IQGAP1: variants seen among roughly 807,000 people sequenced by gnomAD.
IQGAP1 encodes the protein IQ motif containing GTPase activating protein 1, also known as ras GTPase-activating-like protein IQGAP1.
Under a neutral mutation model 215.6 loss-of-function variants are expected in IQGAP1, and 66 were observed. The ratio of observed to expected loss-of-function variants is 0.31; its 90% CI spans 0.25 to 0.38. The LOEUF is 0.38. Ranked by LOEUF, IQGAP1 falls within the 10% of genes least tolerant of loss-of-function variation. The pLI is 1.00. For synonymous variants in IQGAP1, 772 were observed against 728.7 expected (o/e 1.06, Z -0.96); for missense variants, 1,712 against 1,997.1 (o/e 0.86, Z 2.72).
intron 30 of IQGAP1, among the ~76,000 whole-genome samples, chr15:90,485,770 A>C (rs1966117822): frequency 6.6e-6 from 1 of 152,116 alleles, no homozygotes; most frequent in Non-Finnish European, 1.5e-5. Flanking sequence ...GCACATTTGA[A>C]TCCTTTATGG....
chr15:90,410,948 C>T (rs941098703), intron 2 of IQGAP1, among the ~76,000 whole-genome samples: 1 of 151,842 alleles, frequency 6.6e-6, no homozygotes, highest in African/African-American at 2.4e-5. Flanking sequence ...TTGCTATGTC[C>T]CATGGAAATT....
chr15:90,432,528 A>G (rs922359329), intron 4 of IQGAP1, among the ~76,000 whole-genome samples: 9 of 152,252 alleles, frequency 5.9e-5, no homozygotes, highest in South Asian at 2.1e-4. Flanking sequence ...TCTGACTTTC[A>G]AGTTGCTTAT....
Position 90,456,160 on chromosome 15 carries a change from G to A in IQGAP1, c.1621G>A (p.Ala541Thr), listed in dbSNP as rs768165333. Reference protein sequence around the residue: ...VVQEEHERILAIGLINEALDE... With the variant: ...VVQEEHERILTIGLINEALDE... Reference sequence around the variant, plus strand: ...TGTCTCTTTATATTTAGGGATTTTAGCCATTGGTTTAATTAATGAAGCCCT... The same window carrying A: ...TGTCTCTTTATATTTAGGGATTTTAACCATTGGTTTAATTAATGAAGCCCT... Residue 541 changes from alanine to threonine, a missense_variant, in exon 15 of 38, where the codon GCC becomes ACC. Physicochemically the swap from Ala to Thr is moderately conservative, Grantham distance 58. This residue lies in a region of IQGAP1 where 1,021 missense variants were observed against 1,074.2 expected (regional missense o/e 0.95). Coordinates refer to ENST00000268182, the MANE Select transcript of IQGAP1 (RefSeq NM_003870.4). The A allele has an allele frequency of 3.1e-6, 5 of 1,613,076 alleles. No homozygotes were observed. Among genetic ancestry groups the A allele is most frequent in the Non-Finnish European group, 4.2e-6 (5 of 1,179,610 alleles).
intron 36 of IQGAP1, among the ~76,000 whole-genome samples, chr15:90,495,383 GA>G (rs78637051): frequency 0.16 from 24,592 of 150,824 alleles, 2,718 homozygotes; most frequent in East Asian, 0.46. Flanking sequence ...TTTAGGGGGG[GA>G]AAAAAAACAA....
chr15:90,420,891 G>A (rs1363564142), intron 2 of IQGAP1, among the ~76,000 whole-genome samples: 3 of 152,138 alleles, frequency 2.0e-5, no homozygotes, highest in East Asian at 1.9e-4. Context: ...AGTGGCTCAC[G>A]CCTATAATCC....
In IQGAP1 at chr15:90,439,961, G is replaced by T. The variant is rs575858637; in HGVS notation, c.536-541G>T. Among the ~76,000 whole-genome samples the T allele has an allele frequency of 8.5e-5, 13 of 152,324 alleles. No individual in the cohort carries two copies. In the South Asian group the frequency reaches 2.7e-3, roughly 32 times the overall value. ...AGATAGATTCAAGTCTTTCAAAGTG[G>T]TGATTATTTTGTAGGCTTGAAAGTT... On this transcript the variant is annotated intron_variant, in intron 6 of 37. Transcript: ENST00000268182.
At chr15:90,410,588 A>G (rs1177570030) in intron 2 of IQGAP1, among the ~76,000 whole-genome samples, 1 of 152,106 alleles carries the variant, frequency 6.6e-6, no homozygotes, top group Non-Finnish European at 1.5e-5. Flanking sequence ...TCACAAGGAC[A>G]GAAAACCAAA....
chr15:90,391,098 C>T, intron 2 of IQGAP1: 1 of 412,286 alleles, frequency 2.4e-6, no homozygotes, highest in Non-Finnish European at 4.5e-6. Context: ...ATTAGCCAGG[C>T]ATGGTGGTGC....
In IQGAP1 at chr15:90,423,137, G is replaced by T. The variant is rs768933941; in HGVS notation, c.156-2973G>T. 8.0e-4 allele frequency among the ~76,000 whole-genome samples: 122 copies of T among 152,310 alleles called. 1 individual carries two copies. Among genetic ancestry groups the T allele is most frequent in the Middle Eastern group, 3.4e-3 (1 of 294 alleles). ...TGTGAGCTGTAGAGAAAGACTGAAA[G>T]AAGTGTTTGTTGTGTCATCTTGGAA... On this transcript the variant is annotated intron_variant, in intron 2 of 37. Coordinates refer to ENST00000268182, the MANE Select transcript of IQGAP1 (RefSeq NM_003870.4).
chr15:90,477,283 C>G, intron 25 of IQGAP1, 53 bp downstream of exon 25: 1 of 1,438,870 alleles, frequency 6.9e-7, no homozygotes, highest in Non-Finnish European at 9.6e-7. Flanking sequence ...CAGAGGGGCT[C>G]CCAGTTTGAG....
intron 2 of IQGAP1, among the ~76,000 whole-genome samples, chr15:90,422,634 A>ATATGTATATATATATG (rs879920959): frequency 1.1e-5 from 1 of 90,176 alleles, no homozygotes; most frequent in African/African-American, 3.6e-5. Flanking sequence ...ATGTATATAT[A>ATATGTATATATATATG]TATATGTATA....
chr15:90,470,724 T>C (rs1965893569), intron 18 of IQGAP1, among the ~76,000 whole-genome samples: 1 of 152,134 alleles, frequency 6.6e-6, no homozygotes, highest in Non-Finnish European at 1.5e-5. Context: ...TGTCCAGCTT[T>C]TACTTAGTAA....
At position 90,472,930 on chromosome 15, in the gene IQGAP1, C is replaced by T. The variant is rs751869935; in HGVS notation, c.2269C>T (p.Arg757Cys). The change falls in exon 19 of 38, where the codon CGT (arginine) becomes TGT (cysteine). Residue 757 changes from arginine (R) to cysteine (C), a missense_variant. Arg to Cys is a radical substitution (Grantham distance 180). Transcript: ENST00000268182. ...GATCACCAGGCTGCAGGCTCGCTGC[C>T]GTGGATACTTAGTTCGACAGGAATT... ...GLITRLQARC[R>C]GYLVRQEFRS... 14 of 1,613,814 alleles carry T rather than the reference C, an allele frequency of 8.7e-6. No individual in the cohort carries two copies. Among genetic ancestry groups the T allele is most frequent in the South Asian group, 6.6e-5 (6 of 91,036 alleles).
chr15:90,409,280 C>T (rs887875313), intron 2 of IQGAP1, among the ~76,000 whole-genome samples: 1 of 143,196 alleles, frequency 7.0e-6, no homozygotes, highest in East Asian at 2.1e-4. Context: ...CTCTATCACT[C>T]AGGCTGGAGT....
chr15:90,463,622 C>T (rs369082002), intron 15 of IQGAP1, among the ~76,000 whole-genome samples: 2 of 152,084 alleles, frequency 1.3e-5, no homozygotes, highest in African/African-American at 2.4e-5. Flanking sequence ...TAATAGAAAG[C>T]GACTAGTGGT....
At chr15:90,475,279 G>A (rs571678343) in intron 23 of IQGAP1, among the ~76,000 whole-genome samples, 30 of 152,050 alleles carry the variant, frequency 2.0e-4, no homozygotes, top group East Asian at 9.8e-4. Flanking sequence ...GATTACAGGC[G>A]TGAGCCACGA....
At chr15:90,425,295 G>GT (rs929769454) in intron 2 of IQGAP1, among the ~76,000 whole-genome samples, 1 of 151,982 alleles carries the variant, frequency 6.6e-6, no homozygotes, top group African/African-American at 2.4e-5. Flanking sequence ...GGGCAATAGA[G>GT]TGAGACTTTG....
At chr15:90,493,386 A>AT (rs927590587) in intron 35 of IQGAP1, among the ~76,000 whole-genome samples, 12 of 151,830 alleles carry the variant, frequency 7.9e-5, no homozygotes, top group African/African-American at 2.4e-4. Flanking sequence ...ACAGGCTCTG[A>AT]TTTTTTTTCC....
rs190948241 is a variant in IQGAP1, at chr15:90,500,235, C to T, written c.*127C>T. ...ACAGCACCTCAATCTGATACACTCC[C>T]GATGCCACATTTTTAACTCCTCTCG... is the stretch of plus-strand genomic sequence containing the variant. On this transcript the variant is annotated 3_prime_UTR_variant, in exon 38 of 38. Coordinates refer to ENST00000268182, the MANE Select transcript of IQGAP1 (RefSeq NM_003870.4). 1.2e-5 allele frequency: 7 copies of T among 602,850 alleles called. No individual in the cohort carries two copies. The highest frequency in any genetic ancestry group is 2.8e-5 in the Admixed American group (1 of 35,438). The allele number at this position is 602,850 out of a possible 1,614,324, so 37.3% of individuals were successfully genotyped here. A position where few individuals can be genotyped will look rare whatever the true frequency, so the allele number is the denominator to read the frequency against.
Sources: allele counts gnomAD v4.1 joint callset (sites outside exome capture counted in the v4.1 genomes callset), GRCh38; gene constraint gnomAD v4.1.1; regional missense constraint gnomAD v4.1.1; transcripts MANE v1.5; gene names NCBI Gene and HGNC (gene_info 2026-07-23, HGNC 2026-07-21).